DAGLB: variants seen among roughly 807,000 people sequenced by gnomAD.
The protein encoded by DAGLB is diacylglycerol lipase-beta.
Under a neutral mutation model 72.1 loss-of-function variants are expected in DAGLB, and 66 were observed. That is an observed-to-expected ratio of 0.92 (90% CI 0.75 to 1.12). The LOEUF is 1.12. Among genes scored for constraint, DAGLB ranks in the 50% most tolerant of loss-of-function variants. The pLI is 0.00. For missense variants in DAGLB, 1,065 were observed against 884.9 expected, an observed-to-expected ratio of 1.20 and a Z score of -2.58; for synonymous variants, 414 against 359.5, an observed-to-expected ratio of 1.15 and a Z score of -1.71.
intron 1 of DAGLB, among the ~76,000 whole-genome samples, chr7:6,447,300 C>G (rs1252788176): frequency 6.6e-6 from 1 of 152,192 alleles, no homozygotes; most frequent in Admixed American, 6.5e-5. Context: ...ACAACCGGCT[C>G]GGTATTTTTT....
intron 11 of DAGLB, among the ~76,000 whole-genome samples, chr7:6,415,015 G>A (rs1306345324): frequency 6.6e-6 from 1 of 152,046 alleles, no homozygotes; most frequent in Non-Finnish European, 1.5e-5. Context: ...ACAAAAATTA[G>A]CTGGATGTGG....
intron 13 of DAGLB, among the ~76,000 whole-genome samples, chr7:6,410,870 A>T (rs1485063923): frequency 6.8e-6 from 1 of 146,860 alleles, no homozygotes; most frequent in Non-Finnish European, 1.5e-5. Context: ...ATGCCCGGCT[A>T]ATTTTTTGTA....
Position 6,440,065 on chromosome 7 carries a change from AAAG to A in DAGLB, c.248-3535_248-3533del, listed in dbSNP as rs1562489035. ...AGACTCTGTCTCAAAAAAAAAAAAAAAAGAAAGAAAAAGAAACTACCACAGTAT... is the reference window on the plus strand; with the variant it reads ...AGACTCTGTCTCAAAAAAAAAAAAAAAAAGAAAAAGAAACTACCACAGTAT... On this transcript the variant is annotated intron_variant, in intron 2 of 14. Coordinates refer to ENST00000297056, the MANE Select transcript of DAGLB (RefSeq NM_139179.4). Among the ~76,000 whole-genome samples the A allele has an allele frequency of 1.0e-4, 15 of 145,522 alleles. 2 individuals carry two copies. The highest frequency in any genetic ancestry group is 4.4e-4 in the East Asian group (2 of 4,528).
At chr7:6,438,927 G>C (rs969191183) in intron 2 of DAGLB, among the ~76,000 whole-genome samples, 6 of 152,066 alleles carry the variant, frequency 3.9e-5, no homozygotes, top group African/African-American at 1.4e-4. Context: ...TGCCTGCCTA[G>C]AAAAAATTTC....
intron 11 of DAGLB, among the ~76,000 whole-genome samples, chr7:6,414,132 T>G: frequency 6.6e-6 from 1 of 151,972 alleles, no homozygotes. Flanking sequence ...TGCCTCAGCC[T>G]CCCAAGCAGC....
chr7:6,441,383 G>A (rs1015167755), intron 2 of DAGLB, among the ~76,000 whole-genome samples: 5 of 148,670 alleles, frequency 3.4e-5, no homozygotes, highest in Non-Finnish European at 5.9e-5. Context: ...GAGCCACCGC[G>A]CCCGGCCACA....
At chr7:6,410,890 T>A (rs1431503448) in intron 13 of DAGLB, among the ~76,000 whole-genome samples, 1 of 145,050 alleles carries the variant, frequency 6.9e-6, no homozygotes, top group East Asian at 2.0e-4. Flanking sequence ...ATTTTTTTTT[T>A]TTTTTTTTTT....
intron 8 of DAGLB, chr7:6,422,072 C>T (rs1208256721): frequency 1.8e-6 from 1 of 557,116 alleles, no homozygotes. Context: ...CCTTCCCCAT[C>T]ACACACACGT....
At chr7:6,412,239 G>A (rs1295373276) in intron 13 of DAGLB, among the ~76,000 whole-genome samples, 1 of 152,096 alleles carries the variant, frequency 6.6e-6, no homozygotes, top group Non-Finnish European at 1.5e-5. Context: ...CTACCACCAT[G>A]TTAAAAAACC....
intron 9 of DAGLB, chr7:6,417,839 C>G (rs1672275925): frequency 6.6e-6 from 1 of 152,200 alleles, no homozygotes; most frequent in South Asian, 2.1e-4. Flanking sequence ...GCTTTAACTT[C>G]AAAAAGTAAA....
intron 8 of DAGLB, among the ~76,000 whole-genome samples, chr7:6,423,155 G>A (rs1047291347): frequency 1.4e-4 from 21 of 152,292 alleles, no homozygotes; most frequent in Admixed American, 6.5e-4. Flanking sequence ...GAGAGGCTGA[G>A]GCAGGAGGAT....
At chr7:6,420,800 G>A (rs1015191998) in intron 9 of DAGLB, among the ~76,000 whole-genome samples, 2 of 152,180 alleles carry the variant, frequency 1.3e-5, no homozygotes, top group Admixed American at 6.5e-5. Flanking sequence ...TCATTCCTTC[G>A]GGAGGAGCTG....
At chr7:6,430,076 G>C (rs1471541772) in intron 6 of DAGLB, among the ~76,000 whole-genome samples, 1 of 150,954 alleles carries the variant, frequency 6.6e-6, no homozygotes, top group Non-Finnish European at 1.5e-5. Flanking sequence ...ATGGTGGCGG[G>C]CACCTGTAAT....
Position 6,416,904 on chromosome 7 carries a change from G to C in DAGLB, c.1236C>G (p.Ala412=), listed in dbSNP as rs753625048. 6.2e-7 allele frequency: 1 copy of C among 1,614,168 alleles called. No individual in the cohort carries two copies. Among genetic ancestry groups the C allele is most frequent in the Non-Finnish European group, 8.5e-7 (1 of 1,180,024 alleles). ...RLAHKGISQA[A]RYVYQRLIND... The stretch of plus-strand genomic sequence containing the variant: ...TGATGAGTCGTTGGTAAACGTATCT[G>C]GCAGCTTGAGAAATACCCTAAAAAC... The change falls in exon 10 of 15, where the codon GCC becomes GCG. Residue 412 remains alanine (A), a synonymous_variant. Transcript: ENST00000297056.
At chr7:6,415,689 CA>C (rs1255123388) in intron 11 of DAGLB, among the ~76,000 whole-genome samples, 1 of 150,996 alleles carries the variant, frequency 6.6e-6, no homozygotes, top group Admixed American at 6.6e-5. Flanking sequence ...TAAAAAAATA[CA>C]AAAAATTAGC....
At chr7:6,429,666 G>A (rs867401389) in intron 6 of DAGLB, among the ~76,000 whole-genome samples, 3 of 152,038 alleles carry the variant, frequency 2.0e-5, no homozygotes, top group Non-Finnish European at 2.9e-5. Context: ...ACTTTGGGAG[G>A]GTGAGGCAGG....
At chr7:6,440,068 G>C (rs111601400) in intron 2 of DAGLB, among the ~76,000 whole-genome samples, 1 of 44,214 alleles carries the variant, frequency 2.3e-5, no homozygotes, top group African/African-American at 9.8e-5. Context: ...AAAAAAAAAA[G>C]AAAGAAAAAG....
chr7:6,443,248 C>CT (rs1784890982), intron 2 of DAGLB, among the ~76,000 whole-genome samples: 1 of 39,806 alleles, frequency 2.5e-5, no homozygotes, highest in Non-Finnish European at 4.6e-5. Context: ...TTTGTCTCTA[C>CT]TAAAAAAAAA....
At chr7:6,425,157 G>A (rs11767078) in intron 7 of DAGLB, among the ~76,000 whole-genome samples, 25,421 of 152,262 alleles carry the variant, frequency 0.17, 2,525 homozygotes, top group East Asian at 0.23. Context: ...GTTCTACTGG[G>A]CAGCAAAGTG....
Sources: gnomAD v4.1 joint callset for allele counts (sites outside exome capture counted in the v4.1 genomes callset) on GRCh38, gnomAD v4.1.1 for gene constraint, MANE v1.5 for transcripts, NCBI Gene and HGNC (gene_info 2026-07-23, HGNC 2026-07-21) for gene names.